The following TARBP1 variants were observed in gnomAD, a reference collection of about 807,000 sequenced individuals.
The protein encoded by TARBP1 is tRNA guanosine 2 -O-methyltransferase TARBP1.
In TARBP1, 144 loss-of-function variants were observed where a neutral mutation model predicts 178.6. The ratio of observed to expected loss-of-function variants is 0.81; its 90% CI spans 0.70 to 0.93. TARBP1 has a LOEUF of 0.93. Ranked by LOEUF, TARBP1 falls within the 40% of genes least tolerant of loss-of-function variation. The pLI is 0.00. For synonymous variants in TARBP1, 787 were observed against 781.0 expected, an observed-to-expected ratio of 1.01 and a Z score of -0.13; for missense variants, 2,067 against 2,011.7, an observed-to-expected ratio of 1.03 and a Z score of -0.53.
chr1:234,468,358 A>G (rs112216938), intron 3 of TARBP1, among the ~76,000 whole-genome samples: 12,695 of 151,944 alleles, frequency 0.084, 925 homozygotes, highest in East Asian at 0.27. Flanking sequence ...TGGGGGAGGG[A>G]CTGAGACACG....
intron 1 of TARBP1, 69 bp from the exon 2 acceptor site, chr1:234,472,880 G>C: frequency 1.7e-6 from 2 of 1,167,242 alleles, no homozygotes; most frequent in Non-Finnish European, 2.5e-6. Context: ...AATGACAGCA[G>C]TTCTTAAAAT....
At chr1:234,459,440 C>CATT in intron 7 of TARBP1, 114 bp from the exon 8 acceptor site, 7 of 762,588 alleles carry the variant, frequency 9.2e-6, no homozygotes, top group Non-Finnish European at 1.5e-5. Context: ...AGAAAGTCTG[C>CATT]AGAATTTCAA....
chr1:234,425,908 T>C, intron 19 of TARBP1, 115 bp from the exon 20 acceptor site: 1 of 768,878 alleles, frequency 1.3e-6, no homozygotes, highest in Middle Eastern at 3.9e-4. Flanking sequence ...TTTCTAAAAT[T>C]AAGTAGGTCC....
At chr1:234,391,865 A>T in intron 29 of TARBP1, 120 bp from the exon 30 acceptor site, 4 of 1,067,002 alleles carry the variant, frequency 3.7e-6, no homozygotes, top group Non-Finnish European at 5.5e-6. Context: ...AATGTTACTA[A>T]AAGAAACATT....
chr1:234,475,739 A>T (rs1420725122), intron 1 of TARBP1, among the ~76,000 whole-genome samples: 1 of 152,246 alleles, frequency 6.6e-6, no homozygotes, highest in African/African-American at 2.4e-5. Flanking sequence ...CCAGGGAACA[A>T]GCATCAGCAG....
chr1:234,460,287 C>CA lies in TARBP1; in HGVS notation c.1508dup (p.Ile505TyrfsTer47), dbSNP rs973023634. The CA allele has an allele frequency of 1.4e-5, 22 of 1,614,004 alleles. No individual in the cohort carries two copies. The highest frequency in any genetic ancestry group is 1.7e-5 in the Non-Finnish European group (20 of 1,180,020). The stretch of plus-strand genomic sequence containing the variant: ...TGAGAGCAAGAAGCCCATCTATACC[C>CA]AGGGCCTTATGTCTTGGGACATTTG... On this transcript the variant is annotated frameshift_variant, in exon 7 of 30. Transcript: ENST00000040877. LOFTEE classifies it high-confidence loss of function.
At chr1:234,408,958 T>C (rs1661537252) in intron 23 of TARBP1, among the ~76,000 whole-genome samples, 1 of 152,222 alleles carries the variant, frequency 6.6e-6, no homozygotes, top group Admixed American at 6.5e-5. Context: ...GACAGTTGTT[T>C]TGAATCTCTA....
chr1:234,391,710 T>A lies in TARBP1; in HGVS notation c.4733A>T (p.Gln1578Leu), dbSNP rs747885861. ...AATTTCCACACAAACGTCCAACTGT[T>A]GGATCAGATTTGCTGGAATTCCCTC... ...EREGIPANLI[Q>L]QLDVCVEIPQ... Residue 1578 changes from glutamine (Q) to leucine (L), a missense_variant, in exon 30 of 30, where the codon CAA (glutamine) becomes CTA (leucine). By Grantham distance (113) the Gln-to-Leu change is moderately radical (BLOSUM62 -2). Transcript: ENST00000040877. 1 of 1,613,474 alleles carries A rather than the reference T, an allele frequency of 6.2e-7. No individual in the cohort carries two copies. The highest frequency in any genetic ancestry group is 8.5e-7 in the Non-Finnish European group (1 of 1,179,962).
chr1:234,465,599 A>G, intron 5 of TARBP1, 57 bp downstream of exon 5: 1 of 1,467,034 alleles, frequency 6.8e-7, no homozygotes, highest in East Asian at 2.5e-5. Flanking sequence ...CAATCTGGTC[A>G]TGTCTCTTAA....
intron 2 of TARBP1, among the ~76,000 whole-genome samples, chr1:234,471,464 A>G (rs893584695): frequency 2.3e-4 from 35 of 152,258 alleles, no homozygotes; most frequent in African/African-American, 8.2e-4. Flanking sequence ...ACCACATTAC[A>G]GCTACATTAA....
intron 10 of TARBP1, among the ~76,000 whole-genome samples, chr1:234,449,122 T>C (rs1485227470): frequency 1.3e-5 from 2 of 151,064 alleles, no homozygotes; most frequent in Admixed American, 6.6e-5. Context: ...TTCCAGAAAA[T>C]AGGAGGATGC....
At chr1:234,455,004 G>A (rs969082678) in intron 9 of TARBP1, among the ~76,000 whole-genome samples, 1 of 152,162 alleles carries the variant, frequency 6.6e-6, no homozygotes, top group Non-Finnish European at 1.5e-5. Context: ...CAGAGATCTC[G>A]AAATGCCAGG....
At chr1:234,414,975 C>T (rs762487512) in intron 22 of TARBP1, among the ~76,000 whole-genome samples, 1 of 151,892 alleles carries the variant, frequency 6.6e-6, no homozygotes, top group Non-Finnish European at 1.5e-5. Flanking sequence ...CAGAGCGAGA[C>T]TCTGTCTCAA....
In TARBP1 at chr1:234,478,490, G is replaced by T; in HGVS notation, c.614C>A (p.Ala205Glu). 1 of 1,380,318 alleles carries T rather than the reference G, an allele frequency of 7.2e-7. No individual in the cohort carries two copies. Among genetic ancestry groups the T allele is most frequent in the Non-Finnish European group, 9.4e-7 (1 of 1,064,162 alleles). 85.5% of individuals were successfully genotyped at this position (1,380,318 alleles called of 1,614,324 possible). Residue 205 changes from alanine (A) to glutamate (E), a missense_variant, in exon 1 of 30, where the codon GCG becomes GAG. Physicochemically the swap from Ala to Glu is moderately radical, Grantham distance 107. Coordinates refer to ENST00000040877, the MANE Select transcript of TARBP1 (RefSeq NM_005646.4). ...CCCGCCCCACACGGCCCGCAGCGCC[G>T]CCCCGCCACATTGGACCAGCACTGG... The part of the protein sequence containing the change: ...LLPVLVQCGG[A>E]ALRAVWGGLA...
intron 1 of TARBP1, among the ~76,000 whole-genome samples, chr1:234,473,389 A>G: frequency 6.6e-6 from 1 of 152,238 alleles, no homozygotes; most frequent in Non-Finnish European, 1.5e-5. Flanking sequence ...CCTGAACAGG[A>G]AAAGACTAGA....
At position 234,479,158 on chromosome 1, in the gene TARBP1, G is replaced by A; in HGVS notation, c.-55C>T. The A allele has an allele frequency of 1.4e-6, 2 of 1,439,036 alleles. No homozygotes were observed. The highest frequency in any genetic ancestry group is 1.8e-6 in the Non-Finnish European group (2 of 1,106,142). The allele number at this position is 1,439,036 out of a possible 1,614,324, so 89.1% of individuals were successfully genotyped here. On this transcript the variant is annotated 5_prime_UTR_variant, in exon 1 of 30. Coordinates refer to ENST00000040877, the MANE Select transcript of TARBP1 (RefSeq NM_005646.4). ...CTCCCAAAGGAAGGCGCCGGCGTGTGCGATGCGTGCGCACAGGACCGGCCG... is the reference window on the plus strand; with the variant it reads ...CTCCCAAAGGAAGGCGCCGGCGTGTACGATGCGTGCGCACAGGACCGGCCG...
chr1:234,413,137 T>A (rs2103072684), intron 22 of TARBP1, among the ~76,000 whole-genome samples: 1 of 152,106 alleles, frequency 6.6e-6, no homozygotes, highest in African/African-American at 2.4e-5. Flanking sequence ...GTGACAAATA[T>A]GTGAGCGAAG....
intron 24 of TARBP1, 96 bp downstream of exon 24, chr1:234,405,807 G>T: frequency 1.7e-6 from 2 of 1,188,312 alleles, no homozygotes; most frequent in Non-Finnish European, 2.4e-6. Context: ...GCATGAGGAT[G>T]TGGAAGGAGA....
intron 1 of TARBP1, among the ~76,000 whole-genome samples, chr1:234,475,713 T>C (rs1669508847): frequency 6.6e-6 from 1 of 152,222 alleles, no homozygotes. Flanking sequence ...GAAAAGCCCC[T>C]GCCTCATCTC....
Sources: gnomAD v4.1 joint callset for allele counts (sites outside exome capture counted in the v4.1 genomes callset) on GRCh38, gnomAD v4.1.1 for gene constraint, MANE v1.5 for transcripts, NCBI Gene and HGNC (gene_info 2026-07-23, HGNC 2026-07-21) for gene names.